NFATC2: variants seen among roughly 807,000 people sequenced by gnomAD.
NFATC2 encodes nuclear factor of activated T-cells, cytoplasmic 2.
A neutral mutation model predicts 87.3 loss-of-function variants in NFATC2; 22 were observed. The ratio of observed to expected loss-of-function variants is 0.25; its 90% CI spans 0.18 to 0.36. The LOEUF is 0.36. Among genes scored for constraint, NFATC2 ranks in the 10% least tolerant of loss-of-function variants. The probability of loss-of-function intolerance (pLI) is 1.00; values close to 1 mark genes in which losing one functional copy is unlikely to be tolerated. For missense variants in NFATC2, 1,149 were observed against 1,259.1 expected (o/e 0.91, Z 1.32); for synonymous variants, 565 against 542.2 (o/e 1.04, Z -0.58).
At chr20:51,554,960 C>T (rs2076965206) in intron 1 of NFATC2, among the ~76,000 whole-genome samples, 1 of 152,132 alleles carries the variant, frequency 6.6e-6, no homozygotes, top group Admixed American at 6.5e-5. Context: ...GGCATCTACC[C>T]CTAGGTACCA....
At chr20:51,547,002 T>G (rs971047057), upstream of NFATC2, among the ~76,000 whole-genome samples, 2 of 151,864 alleles carry the variant, frequency 1.3e-5, no homozygotes, top group African/African-American at 2.4e-5. Flanking sequence ...GAGAAGATGG[T>G]GTAAGATCAG....
rs767331198 is a variant in NFATC2 at position 51,562,590 on chromosome 20, G to A, written c.40C>T (p.Pro14Ser). 1.3e-6 allele frequency: 2 copies of A among 1,551,280 alleles called. No homozygotes were observed. Among genetic ancestry groups the A allele is most frequent in the Non-Finnish European group, 1.7e-6 (2 of 1,146,746 alleles). The change falls in exon 1 of 11, where the codon CCC becomes TCC. Residue 14 changes from proline (P) to serine (S), a missense_variant. Coordinates refer to the NFATC2 transcript ENST00000414705. This position sits in a 1 kb window ranked among gnomAD's most constrained non-coding sequence, Gnocchi z 5.8. ...TCCACAGACCCCATGATGCGGAGGG[G>A]ATGGCAGTGCCCCAGTCTGAACGCA...
chr20:51,413,241 G>C (rs1979549595), intron 9 of NFATC2, among the ~76,000 whole-genome samples: 1 of 151,882 alleles, frequency 6.6e-6, no homozygotes, highest in Admixed American at 6.6e-5. Flanking sequence ...CCAAGCATCT[G>C]CCTCTGTCAA....
In NFATC2 at chr20:51,524,175, A is replaced by C; in HGVS notation, c.131-65T>G. The C allele has an allele frequency of 7.5e-7, 1 of 1,340,254 alleles. No homozygotes were observed. The highest frequency in any genetic ancestry group is 9.7e-7 in the Non-Finnish European group (1 of 1,026,702). The allele number at this position is 1,340,254 out of a possible 1,614,324, so 83.0% of individuals were successfully genotyped here. On this transcript the variant is annotated intron_variant, in intron 1 of 10. Coordinates refer to ENST00000371564, the MANE Select transcript of NFATC2 (RefSeq NM_012340.5). This position sits in a 1 kb window ranked among gnomAD's most constrained non-coding sequence, Gnocchi z 4.0. The stretch of plus-strand genomic sequence containing the variant: ...AAAAACAGAACTCCCGGTGCAGAGC[A>C]ATCACAGGCTGGATTTCGTCTCACG...
At chr20:51,541,664 G>A (rs558016056) in intron 1 of NFATC2, among the ~76,000 whole-genome samples, 8 of 152,174 alleles carry the variant, frequency 5.3e-5, no homozygotes, top group African/African-American at 1.7e-4. Context: ...AGGACTAAGC[G>A]TAGAAGATCA....
chr20:51,459,390 G>A (rs903423526), intron 5 of NFATC2, among the ~76,000 whole-genome samples: 1 of 152,134 alleles, frequency 6.6e-6, no homozygotes, highest in Non-Finnish European at 1.5e-5. Flanking sequence ...GGGCTCACTG[G>A]GGGGTGGAAA....
intron 9 of NFATC2, among the ~76,000 whole-genome samples, chr20:51,418,562 GGA>G (rs1980373429): frequency 6.6e-6 from 1 of 152,190 alleles, no homozygotes; most frequent in Non-Finnish European, 1.5e-5. Flanking sequence ...CTGACCGTTA[GGA>G]GAGGAGTTTC....
At chr20:51,442,619 T>C (rs1171071272) in intron 6 of NFATC2, among the ~76,000 whole-genome samples, 2 of 152,198 alleles carry the variant, frequency 1.3e-5, no homozygotes, top group African/African-American at 4.8e-5. Context: ...AGGTGAGACC[T>C]TCATGCCTTT....
chr20:51,487,673 A>G (rs1989830442), intron 3 of NFATC2, among the ~76,000 whole-genome samples: 1 of 152,206 alleles, frequency 6.6e-6, no homozygotes, highest in African/African-American at 2.4e-5. Flanking sequence ...GAAATGCAGG[A>G]CAGCCGGCCG....
chr20:51,430,077 G>A (rs1982468586), intron 9 of NFATC2, among the ~76,000 whole-genome samples: 2 of 152,180 alleles, frequency 1.3e-5, no homozygotes, highest in African/African-American at 2.4e-5. Flanking sequence ...TGACCACCTC[G>A]GGCCACTTGG....
chr20:51,560,809 G>A (rs549162664), intron 1 of NFATC2, among the ~76,000 whole-genome samples: 3 of 152,226 alleles, frequency 2.0e-5, no homozygotes, highest in African/African-American at 4.8e-5. Flanking sequence ...TATTGAACAC[G>A]CGCACACAAA....
chr20:51,454,804 G>A (rs935680890), intron 5 of NFATC2, 116 bp from the exon 6 acceptor site: 2 of 1,167,110 alleles, frequency 1.7e-6, no homozygotes, highest in Non-Finnish European at 2.4e-6. Context: ...GTCACCTGTT[G>A]TTATCTAAAA....
At chr20:51,449,182 C>T (rs553242048) in intron 6 of NFATC2, among the ~76,000 whole-genome samples, 1 of 152,210 alleles carries the variant, frequency 6.6e-6, no homozygotes, top group South Asian at 2.1e-4. Context: ...TGTTCCGCCC[C>T]GCCCCGCAGA....
At chr20:51,396,136 T>C (rs1302166769) in intron 10 of NFATC2, among the ~76,000 whole-genome samples, 1 of 147,272 alleles carries the variant, frequency 6.8e-6, no homozygotes, top group East Asian at 2.0e-4. Context: ...TCTCTTTGCC[T>C]GCTTTTTGAG....
chr20:51,437,287 A>G (rs966317611), intron 6 of NFATC2, among the ~76,000 whole-genome samples: 1 of 152,208 alleles, frequency 6.6e-6, no homozygotes, highest in African/African-American at 2.4e-5. Context: ...GAAGGGGGAA[A>G]AATCTACATG....
At chr20:51,466,473 G>A (rs548976791) in intron 5 of NFATC2, among the ~76,000 whole-genome samples, 12 of 151,322 alleles carry the variant, frequency 7.9e-5, no homozygotes, top group African/African-American at 2.9e-4. Context: ...GAAGCATCGG[G>A]GTCGTAGGTT....
chr20:51,481,017 AAG>A (rs781315533), intron 3 of NFATC2, among the ~76,000 whole-genome samples: 19 of 152,158 alleles, frequency 1.2e-4, no homozygotes, highest in Non-Finnish European at 1.6e-4. Flanking sequence ...TGTCAGAGGA[AAG>A]AGGGGCCAGG....
At chr20:51,403,928 G>T (rs1443185027) in intron 9 of NFATC2, among the ~76,000 whole-genome samples, 1 of 152,196 alleles carries the variant, frequency 6.6e-6, no homozygotes, top group African/African-American at 2.4e-5. Context: ...CAAAGTCTCG[G>T]TCTATGCTCA....
At chr20:51,513,542 G>A (rs2076305016) in intron 3 of NFATC2, among the ~76,000 whole-genome samples, 1 of 152,164 alleles carries the variant, frequency 6.6e-6, no homozygotes, top group African/African-American at 2.4e-5. Context: ...AGAGTCCTTG[G>A]GAGCTATCAG....
Sources: gnomAD v4.1 joint callset for allele counts (sites outside exome capture counted in the v4.1 genomes callset) on GRCh38, gnomAD v4.1.1 for gene constraint, Gnocchi (gnomAD v3.1) non-coding constraint, MANE v1.5 for transcripts, NCBI Gene and HGNC (gene_info 2026-07-23, HGNC 2026-07-21) for gene names.